HPS4: variants seen among roughly 807,000 people sequenced by gnomAD.
HPS4 encodes BLOC-3 complex member HPS4.
HPS4 carries 44 observed loss-of-function variants against 70.3 expected under a neutral mutation model. That is an observed-to-expected ratio of 0.63 (90% CI 0.49 to 0.80). The LOEUF (loss-of-function observed/expected upper bound fraction) is 0.80. Ranked by LOEUF, HPS4 falls within the 30% of genes least tolerant of loss-of-function variation. HPS4 has a pLI of 0.00. For missense variants in HPS4, 873 were observed against 884.4 expected, an observed-to-expected ratio of 0.99 and a Z score of 0.16; for synonymous variants, 377 against 355.9, an observed-to-expected ratio of 1.06 and a Z score of -0.67.
chr22:26,444,034 C>T (rs2084883862), downstream of HPS4: 1 of 152,350 alleles, frequency 6.6e-6, no homozygotes, highest in East Asian at 1.9e-4. Context: ...CAAACTGGGC[C>T]TGGAAAATTC....
At chr22:26,449,858 G>A (rs923411035), downstream of HPS4, among the ~76,000 whole-genome samples, 6 of 152,182 alleles carry the variant, frequency 3.9e-5, no homozygotes, top group East Asian at 1.9e-4. Context: ...ATGCTCTCAC[G>A]GTTCTGGAGG....
At chr22:26,469,449 AAAAC>A (rs1193466907) in intron 7 of HPS4, among the ~76,000 whole-genome samples, 7 of 152,100 alleles carry the variant, frequency 4.6e-5, no homozygotes, top group South Asian at 4.1e-4. Context: ...CTGTGTCTCA[AAAAC>A]AAACAAACAA....
intron 2 of HPS4, among the ~76,000 whole-genome samples, chr22:26,480,218 C>T (rs2091129250): frequency 6.6e-6 from 1 of 152,190 alleles, no homozygotes; most frequent in African/African-American, 2.4e-5. Context: ...GCCCTGTAGG[C>T]TGGAGTGCAG....
chr22:26,471,504 C>T (rs2089802582), intron 6 of HPS4: 5 of 433,508 alleles, frequency 1.2e-5, no homozygotes, highest in South Asian at 8.2e-5. Flanking sequence ...GCTGTTAGAA[C>T]TAGTGTTAAT....
At position 26,482,032 on chromosome 22, in the gene HPS4, A is replaced by C; in HGVS notation, c.-270T>G. 1 of 464,746 alleles carries C rather than the reference A, an allele frequency of 2.2e-6. No individual in the cohort carries two copies. The allele number at this position is 464,746 out of a possible 1,614,324, so 28.8% of individuals were successfully genotyped here. ...CTATAACAGAGAATCCTAGCAGAAA[A>C]GTCAAATCCATTCCTCTGGTTTCCT... On this transcript the variant is annotated 5_prime_UTR_variant, in exon 2 of 14. Coordinates refer to ENST00000398145, the MANE Select transcript of HPS4 (RefSeq NM_022081.6).
chr22:26,472,891 G>A lies in HPS4; in HGVS notation c.325C>T (p.Leu109=). ...TTAAAGAATCCAACTAGCTGATCCA[G>A]AAACCGCTTGCAGCTGACATCAGGG... ...ELPDVSCKRF[L]DQLVGFFNFY... Residue 109 remains leucine, a synonymous_variant, in exon 5 of 14, where the codon CTG becomes TTG. Transcript: ENST00000398145. 1 of 1,614,216 alleles carries A rather than the reference G, an allele frequency of 6.2e-7. No individual in the cohort carries two copies. The highest frequency in any genetic ancestry group is 2.2e-5 in the East Asian group (1 of 44,886).
rs768818454 is a variant in HPS4 at position 26,465,471 on chromosome 22, C to A, written c.787G>T (p.Val263Leu). The change falls in exon 10 of 14, where the codon GTG becomes TTG. Residue 263 changes from valine (V) to leucine (L), a missense_variant. Val to Leu is a conservative substitution (Grantham distance 32). Coordinates refer to ENST00000398145, the MANE Select transcript of HPS4 (RefSeq NM_022081.6). ...EEAISLHEFP[V>L]EQMTRSLASP... is the part of the protein sequence containing the mutation. ...CTCCATTACCTTGTCATCTGTTCCA[C>A]CGGGAACTCGTGGAGACTAATGGCT... 3 of 1,612,866 alleles carry A rather than the reference C, an allele frequency of 1.9e-6. No homozygotes were observed. The South Asian group carries it at 3.3e-5, about 18-fold the overall frequency.
chr22:26,473,467 C>T (rs184969636), intron 4 of HPS4, among the ~76,000 whole-genome samples: 222 of 152,282 alleles, frequency 1.5e-3, no homozygotes, highest in Middle Eastern at 6.8e-3. Flanking sequence ...GTGGTTAGTT[C>T]CACAGAAGAT....
rs199965734 is a variant in HPS4, at chr22:26,470,722, C to T, written c.593G>A (p.Gly198Glu). ...AAAGGGGTCTGGAGTTACTCACAGT[C>T]CTTTATAGAGGATGCAGCCAGCGAG... ...HILAGCILYK[G>E]LIVSTQLPPS... is the part of the protein sequence containing the mutation. The change falls in exon 7 of 14, where the codon GGA (glycine) becomes GAA (glutamate). Residue 198 changes from glycine to glutamate, a missense_variant. Coordinates refer to ENST00000398145, the MANE Select transcript of HPS4 (RefSeq NM_022081.6). 1.2e-4 allele frequency: 186 copies of T among 1,613,764 alleles called. 1 individual carries two copies. In the African/African-American group the frequency reaches 2.0e-3, roughly 17 times the overall value.
At position 26,450,982 on chromosome 22, in the gene HPS4, A is replaced by G. The variant is rs1339008293; in HGVS notation, c.*2251T>C. 6.6e-6 allele frequency among the ~76,000 whole-genome samples: 1 copy of G among 152,192 alleles called. No homozygotes were observed. The highest frequency in any genetic ancestry group is 1.5e-5 in the Non-Finnish European group (1 of 68,032). On this transcript the variant is annotated 3_prime_UTR_variant, in exon 14 of 14. Coordinates refer to ENST00000398145, the MANE Select transcript of HPS4 (RefSeq NM_022081.6). ...TCACTCATGCGACCTTTATCCTTAC[A>G]GTTCACAGGTGGCAGATGGCTGGCA...
In HPS4 at chr22:26,465,503, T is replaced by G; in HGVS notation, c.755A>C (p.Lys252Thr). Residue 252 changes from lysine (K) to threonine (T), a missense_variant, in exon 10 of 14, where the codon AAA becomes ACA. Lys to Thr is a moderately conservative substitution (Grantham distance 78). Coordinates refer to ENST00000398145, the MANE Select transcript of HPS4 (RefSeq NM_022081.6). The stretch of plus-strand genomic sequence containing the variant: ...CTCGTGGAGACTAATGGCTTCCTCT[T>G]TGGTCACAAAAACAGGGATAATCTG... ...NVQIIPVFVTKEEAISLHEFP... is the reference protein window; with the variant it reads ...NVQIIPVFVTTEEAISLHEFP... 1 of 1,614,164 alleles carries G rather than the reference T, an allele frequency of 6.2e-7. No individual in the cohort carries two copies. Among genetic ancestry groups the G allele is most frequent in the South Asian group, 1.1e-5 (1 of 91,072 alleles).
In HPS4 at chr22:26,472,386, C is replaced by T; in HGVS notation, c.417G>A (p.Trp139Ter). The T allele has an allele frequency of 1.9e-6, 3 of 1,612,778 alleles. No homozygotes were observed. The highest frequency in any genetic ancestry group is 2.5e-6 in the Non-Finnish European group (3 of 1,178,814). ...NCSQEELSTEWDTFIEQILKN... is the reference protein window; with the variant it reads ...NCSQEELSTE ...TCAGAATTTGCTCGATGAAGGTGTCCCACTCCGTGCTCAGTTCTTCCTGAG... is the reference window on the plus strand; with the variant it reads ...TCAGAATTTGCTCGATGAAGGTGTCTCACTCCGTGCTCAGTTCTTCCTGAG... The change falls in exon 6 of 14, where the codon TGG becomes TGA. Residue 139 changes from tryptophan to a stop codon, truncating the protein, a stop_gained. Transcript: ENST00000398145. LOFTEE classifies it high-confidence loss of function.
intron 3 of HPS4, among the ~76,000 whole-genome samples, chr22:26,445,781 G>A (rs1338335937): frequency 1.3e-5 from 2 of 152,200 alleles, no homozygotes; most frequent in East Asian, 3.9e-4. Context: ...AACACATCGG[G>A]ACAGCAGTGG....
At position 26,464,125 on chromosome 22, in the gene HPS4, G is replaced by C; in HGVS notation, c.1505C>G (p.Ala502Gly). 1 of 1,614,286 alleles carries C rather than the reference G, an allele frequency of 6.2e-7. No homozygotes were observed. Among genetic ancestry groups the C allele is most frequent in the Non-Finnish European group, 8.5e-7 (1 of 1,180,058 alleles). ...TGAACTGCATTCCAGACCAGGGGCT[G>C]CGTGGCTTTCACAGACCCCATCAAC... Reference protein sequence around the residue: ...EDVDGVCESHAAPGLECSSGS... With the variant: ...EDVDGVCESHGAPGLECSSGS... The change falls in exon 11 of 14, where the codon GCA (alanine) becomes GGA (glycine). Residue 502 changes from alanine (A) to glycine (G), a missense_variant. Physicochemically the swap from Ala to Gly is moderately conservative, Grantham distance 60. Coordinates refer to ENST00000398145, the MANE Select transcript of HPS4 (RefSeq NM_022081.6).
chr22:26,481,924 C>G lies in HPS4; in HGVS notation c.-162G>C. 1.4e-6 allele frequency: 1 copy of G among 715,860 alleles called. No homozygotes were observed. The highest frequency in any genetic ancestry group is 2.7e-5 in the East Asian group (1 of 37,558). 44.3% of individuals were successfully genotyped at this position (715,860 alleles called of 1,614,324 possible). ...AACTGCCACTTGGTTAGTTTTCACT[C>G]AGCATGGAAAGTTCCACTTCCCTTC... On this transcript the variant is annotated 5_prime_UTR_variant, in exon 2 of 14. Coordinates refer to ENST00000398145, the MANE Select transcript of HPS4 (RefSeq NM_022081.6).
chr22:26,447,332 G>A (rs1436609429), downstream of HPS4, among the ~76,000 whole-genome samples: 7 of 152,222 alleles, frequency 4.6e-5, no homozygotes, highest in Non-Finnish European at 7.3e-5. Flanking sequence ...TGGAGATCAC[G>A]TGAGTCCTGA....
Position 26,480,780 on chromosome 22 carries a change from T to A in HPS4, c.41+942A>T, listed in dbSNP as rs370412282. On this transcript the variant is annotated intron_variant, in intron 2 of 13. Coordinates refer to ENST00000398145, the MANE Select transcript of HPS4 (RefSeq NM_022081.6). The stretch of plus-strand genomic sequence containing the variant: ...AAAAACAGACAAAATTAGCCAGGCA[T>A]GGTGGGGTGTGCCTCTGGTTCCAGT... Among the ~76,000 whole-genome samples, 10 of 151,936 alleles carry A rather than the reference T, an allele frequency of 6.6e-5. No homozygotes were observed. The East Asian group carries it at 1.5e-3, about 24-fold the overall frequency.
rs1257055010 is a variant in HPS4 at position 26,471,463 on chromosome 22, C to G, written c.502-650G>C. On this transcript the variant is annotated intron_variant, in intron 6 of 13. Transcript: ENST00000398145. Reference sequence around the variant, plus strand: ...AACCAGCAGCCTCCTCAGACTTCCACCTGCCAGCTAGAACCAGCAAGTATC... The same window carrying G: ...AACCAGCAGCCTCCTCAGACTTCCAGCTGCCAGCTAGAACCAGCAAGTATC... 3 of 450,668 alleles carry G rather than the reference C, an allele frequency of 6.7e-6. No individual in the cohort carries two copies. The Admixed American group carries it at 7.3e-5, about 11-fold the overall frequency. The allele number at this position is 450,668 out of a possible 1,614,324, so 27.9% of individuals were successfully genotyped here. A position where few individuals can be genotyped will look rare whatever the true frequency, so the allele number is the denominator to read the frequency against.
In HPS4 at chr22:26,472,937, C is replaced by A; in HGVS notation, c.279G>T (p.Val93=). ...AIKVDGDYLW[V]LGCAVELPDV... Reference sequence around the variant, plus strand: ...CAGGGAGCTCCACAGCACAGCCCAGCACCTGTAAAGAGAGAAACCAGGAAG... The same window carrying A: ...CAGGGAGCTCCACAGCACAGCCCAGAACCTGTAAAGAGAGAAACCAGGAAG... The change falls in exon 5 of 14, where the codon GTG becomes GTT. Residue 93 remains valine, a splice_region_variant and synonymous_variant. Transcript: ENST00000398145. The A allele has an allele frequency of 8.1e-6, 13 of 1,614,002 alleles. No homozygotes were observed. The highest frequency in any genetic ancestry group is 1.3e-5 in the African/African-American group (1 of 75,060).
Sources: gnomAD v4.1 joint callset for allele counts (sites outside exome capture counted in the v4.1 genomes callset) on GRCh38, gnomAD v4.1.1 for gene constraint, MANE v1.5 for transcripts, NCBI Gene and HGNC (gene_info 2026-07-23, HGNC 2026-07-21) for gene names.